The following SLC9A9 variants were observed in gnomAD, a reference collection of about 807,000 sequenced individuals.
SLC9A9 encodes sodium/hydrogen exchanger 9.
A neutral mutation model predicts 77.8 loss-of-function variants in SLC9A9; 62 were observed. That is an observed-to-expected ratio of 0.80 (90% CI 0.65 to 0.98). The LOEUF (loss-of-function observed/expected upper bound fraction) is 0.98, where lower values mean the gene tolerates loss of function less well. SLC9A9 is among the 50% of genes least tolerant of loss of function. SLC9A9 has a pLI of 0.00. For missense variants in SLC9A9, 775 were observed against 774.9 expected (o/e 1.00, Z 0.00); for synonymous variants, 320 against 283.5 (o/e 1.13, Z -1.29).
At chr3:143,552,050 C>G (rs2036897611) in intron 9 of SLC9A9, among the ~76,000 whole-genome samples, 1 of 152,136 alleles carries the variant, frequency 6.6e-6, no homozygotes, top group South Asian at 2.1e-4. Flanking sequence ...TCTCACATGC[C>G]TTATAATGCT....
chr3:143,671,790 C>T (rs974385773), intron 5 of SLC9A9, among the ~76,000 whole-genome samples: 3 of 152,196 alleles, frequency 2.0e-5, no homozygotes, highest in Non-Finnish European at 4.4e-5. Context: ...ATGGCTGATA[C>T]GTCTGTGCTC....
intron 1 of SLC9A9, among the ~76,000 whole-genome samples, chr3:143,841,635 AG>A (rs753503115): frequency 6.6e-6 from 1 of 152,142 alleles, no homozygotes; most frequent in Non-Finnish European, 1.5e-5. Context: ...TCAAACACTG[AG>A]GGGGGAGTCC....
intron 4 of SLC9A9, among the ~76,000 whole-genome samples, chr3:143,786,655 C>T (rs1005897230): frequency 6.6e-6 from 1 of 152,196 alleles, no homozygotes; most frequent in Non-Finnish European, 1.5e-5. Flanking sequence ...AACCACACTG[C>T]TATGCAGCTT....
chr3:143,827,956 C>A (rs1338012410), intron 2 of SLC9A9, among the ~76,000 whole-genome samples: 1 of 152,210 alleles, frequency 6.6e-6, no homozygotes, highest in South Asian at 2.1e-4. Flanking sequence ...TCTCCTTCTG[C>A]CTGTCTAACT....
intron 1 of SLC9A9, 198 bp downstream of exon 1, chr3:143,847,950 T>C: frequency 3.2e-6 from 2 of 621,282 alleles, no homozygotes; most frequent in Admixed American, 5.2e-5. Context: ...CTGTGACATT[T>C]GCTCTCGTGA....
chr3:143,401,123 T>C (rs1576472829), intron 12 of SLC9A9, among the ~76,000 whole-genome samples: 1 of 152,298 alleles, frequency 6.6e-6, no homozygotes, highest in South Asian at 2.1e-4. Context: ...TGGTCTTGAA[T>C]AGGTTTAGCC....
intron 5 of SLC9A9, among the ~76,000 whole-genome samples, chr3:143,677,490 G>A (rs754208966): frequency 2.0e-5 from 3 of 152,070 alleles, no homozygotes; most frequent in Non-Finnish European, 2.9e-5. Flanking sequence ...CTTAAGAACT[G>A]GTGGTTTTAC....
intron 14 of SLC9A9, among the ~76,000 whole-genome samples, chr3:143,358,590 G>A (rs939669893): frequency 6.6e-6 from 1 of 152,160 alleles, no homozygotes; most frequent in Admixed American, 6.5e-5. Context: ...AATGGAAAGA[G>A]ACTCTAGAAA....
intron 14 of SLC9A9, among the ~76,000 whole-genome samples, chr3:143,312,478 T>A (rs1172949363): frequency 2.0e-5 from 3 of 152,242 alleles, no homozygotes; most frequent in Non-Finnish European, 2.9e-5. Context: ...GCCAGAGCAG[T>A]GGGCATGGCC....
At chr3:143,604,680 C>G (rs1393524902) in intron 6 of SLC9A9, among the ~76,000 whole-genome samples, 1 of 152,172 alleles carries the variant, frequency 6.6e-6, no homozygotes, top group Non-Finnish European at 1.5e-5. Context: ...TGTGAGAACA[C>G]AGTTTACATG....
intron 9 of SLC9A9, among the ~76,000 whole-genome samples, chr3:143,516,239 G>GCTCTCT (rs71140441): frequency 0.25 from 38,234 of 151,390 alleles, 5,815 homozygotes; most frequent in Non-Finnish European, 0.36. Flanking sequence ...GCTTATTTTT[G>GCTCTCT]CTCTCTCTCT....
intron 4 of SLC9A9, among the ~76,000 whole-genome samples, chr3:143,733,388 A>G (rs1295856832): frequency 6.6e-6 from 1 of 152,122 alleles, no homozygotes; most frequent in Non-Finnish European, 1.5e-5. Context: ...AAGATTTTAC[A>G]TATTGGTGTG....
chr3:143,665,105 T>C (rs1272036085), intron 5 of SLC9A9, among the ~76,000 whole-genome samples: 1 of 152,156 alleles, frequency 6.6e-6, no homozygotes, highest in Non-Finnish European at 1.5e-5. Context: ...CCTCAGCAAA[T>C]GTAAAAGAAC....
chr3:143,309,604 T>C (rs2030943908), intron 14 of SLC9A9, among the ~76,000 whole-genome samples: 1 of 152,210 alleles, frequency 6.6e-6, no homozygotes, highest in Admixed American at 6.5e-5. Flanking sequence ...CCCTTTCTTC[T>C]CATGTTTCTG....
At chr3:143,800,218 A>G (rs2008513759) in intron 2 of SLC9A9, among the ~76,000 whole-genome samples, 1 of 151,880 alleles carries the variant, frequency 6.6e-6, no homozygotes, top group African/African-American at 2.4e-5. Context: ...GTGACCAATC[A>G]TGCACCCCTT....
At chr3:143,301,484 C>G (rs570897856) in intron 14 of SLC9A9, among the ~76,000 whole-genome samples, 1 of 152,308 alleles carries the variant, frequency 6.6e-6, no homozygotes, top group South Asian at 2.1e-4. Context: ...AAAAGTCCAC[C>G]TATACTTGAG....
intron 4 of SLC9A9, among the ~76,000 whole-genome samples, chr3:143,703,947 A>C (rs35382880): frequency 0.42 from 64,179 of 151,994 alleles, 14,155 homozygotes; most frequent in East Asian, 0.67. Context: ...ATATGGCAAT[A>C]AATTGGAAAA....
At chr3:143,596,890 C>T (rs1428922073) in intron 6 of SLC9A9, among the ~76,000 whole-genome samples, 1 of 152,046 alleles carries the variant, frequency 6.6e-6, no homozygotes, top group South Asian at 2.1e-4. Flanking sequence ...TTGAACCCCT[C>T]GGCTCAAGCA....
intron 14 of SLC9A9, among the ~76,000 whole-genome samples, chr3:143,347,351 C>T (rs967498078): frequency 6.6e-6 from 1 of 152,028 alleles, no homozygotes; most frequent in Non-Finnish European, 1.5e-5. Context: ...TGTTTGTTTG[C>T]ATTAACAAAT....
Sources: gnomAD v4.1 joint callset for allele counts (sites outside exome capture counted in the v4.1 genomes callset) on GRCh38, gnomAD v4.1.1 for gene constraint, MANE v1.5 for transcripts, NCBI Gene and HGNC (gene_info 2026-07-23, HGNC 2026-07-21) for gene names.